FER1L5: variants seen among roughly 807,000 people sequenced by gnomAD.
FER1L5 encodes the protein fer-1-like protein 5.
FER1L5 carries 187 observed loss-of-function variants against 279.9 expected under a neutral mutation model. The observed-to-expected ratio is 0.67, with a 90% CI of 0.59 to 0.75. The LOEUF is 0.75. FER1L5 is among the 30% of genes least tolerant of loss of function. The probability of loss-of-function intolerance (pLI) is 0.00; values close to 1 mark genes in which losing one functional copy is unlikely to be tolerated. For synonymous variants in FER1L5, 921 were observed against 989.7 expected (o/e 0.93, Z 1.30); for missense variants, 2,091 against 2,594.4 (o/e 0.81, Z 4.21).
rs1024303303 is a variant in FER1L5, at chr2:96,698,325, G to A, written c.4356+169G>A. Among the ~76,000 whole-genome samples, 14 of 152,132 alleles carry A rather than the reference G, an allele frequency of 9.2e-5. No homozygotes were observed. The highest frequency in any genetic ancestry group is 1.4e-4 in the African/African-American group (6 of 41,428). On this transcript the variant is annotated intron_variant, in intron 40 of 52. Transcript: ENST00000624922. This position sits in a 1 kb window ranked among gnomAD's most constrained non-coding sequence, Gnocchi z 5.5. ...TCGCCTCCACAGGAACTCGGGGAGC[G>A]CTCCCCTTCCCCTCCCCACCCTGGC...
rs747371580 is a variant in FER1L5 at position 96,696,062 on chromosome 2, G to A, written c.4068G>A (p.Glu1356=). 1.2e-6 allele frequency: 2 copies of A among 1,613,770 alleles called. No individual in the cohort carries two copies. Among genetic ancestry groups the A allele is most frequent in the Admixed American group, 3.3e-5 (2 of 60,012 alleles). ...GCTCTCCCCGCACAGCGCTGTCTGA[G>A]AAGAAGCACCAAGACGTAAGTAAGG... is the stretch of plus-strand genomic sequence containing the variant. ...YMHPKLPTLS[E]KKHQDFLGYL... Residue 1356 remains glutamate (E), a synonymous_variant, in exon 37 of 53, where the codon GAG becomes GAA. Transcript: ENST00000624922.
intron 39 of FER1L5, 34 bp downstream of exon 39, chr2:96,697,795 A>G (rs1558926540): frequency 6.2e-7 from 1 of 1,607,224 alleles, no homozygotes; most frequent in Non-Finnish European, 8.5e-7. Context: ...ATGGAATCAA[A>G]TCTCCCACTG....
rs1377641522 is a variant in FER1L5 at position 96,701,174 on chromosome 2, G to C, written c.5070+703G>C. Among the ~76,000 whole-genome samples, 15 of 152,324 alleles carry C rather than the reference G, an allele frequency of 9.8e-5. No individual in the cohort carries two copies. In the East Asian group the frequency reaches 2.1e-3, roughly 22 times the overall value. Reference sequence around the variant, plus strand: ...AAAATACAAAAATTAGCTGGGCATGGTGGTGGGTGCCTGTAATCCCAGCTA... The same window carrying C: ...AAAATACAAAAATTAGCTGGGCATGCTGGTGGGTGCCTGTAATCCCAGCTA... On this transcript the variant is annotated intron_variant, in intron 45 of 52. Transcript: ENST00000624922.
chr2:96,663,903 C>T (rs918616523), intron 14 of FER1L5, among the ~76,000 whole-genome samples: 9 of 151,900 alleles, frequency 5.9e-5, no homozygotes, highest in Admixed American at 2.0e-4. Flanking sequence ...ATTAGTCGGG[C>T]GTGGTGACAT....
Position 96,689,525 on chromosome 2 carries a change from G to A in FER1L5, c.2526-119G>A. 3.5e-6 allele frequency: 5 copies of A among 1,439,248 alleles called. 1 individual carries two copies. The South Asian group carries it at 5.0e-5, about 14-fold the overall frequency. 89.2% of individuals were successfully genotyped at this position (1,439,248 alleles called of 1,614,324 possible). A position where few individuals can be genotyped will look rare whatever the true frequency, so the allele number is the denominator to read the frequency against. On this transcript the variant is annotated intron_variant, in intron 25 of 52. Transcript: ENST00000624922. The surrounding 1 kb of genome is among the most constrained non-coding windows in gnomAD (Gnocchi z 4.6). ...GGCCAAGGGCCCTGCCCACCACCCTGTCCTGCCCAGAGCAGGTGGGGATGG... is the reference window on the plus strand; with the variant it reads ...GGCCAAGGGCCCTGCCCACCACCCTATCCTGCCCAGAGCAGGTGGGGATGG...
In FER1L5 at chr2:96,659,426, T is replaced by G. The variant is rs1393911296; in HGVS notation, c.748-915T>G. Among the ~76,000 whole-genome samples, 7 of 13,388 alleles carry G rather than the reference T, an allele frequency of 5.2e-4. No homozygotes were observed. The East Asian group carries it at 9.5e-3, about 18-fold the overall frequency. The allele number at this position is 13,388 out of a possible 152,430, so 8.8% of individuals were successfully genotyped here. A position where few individuals can be genotyped will look rare whatever the true frequency, so the allele number is the denominator to read the frequency against. On this transcript the variant is annotated intron_variant, in intron 9 of 52. Coordinates refer to ENST00000624922, the MANE Select transcript of FER1L5 (RefSeq NM_001293083.2). The stretch of plus-strand genomic sequence containing the variant: ...CTTTCTTTCTTTCTTTCTTTCTTTC[T>G]TTCTTTCTTTCTTTCTTTCTTTCTT...
At chr2:96,687,692 C>G in intron 23 of FER1L5, 124 bp from the exon 24 acceptor site, 1 of 1,414,944 alleles carries the variant, frequency 7.1e-7, no homozygotes, top group Non-Finnish European at 9.5e-7. Context: ...CAGCACTCAG[C>G]TCAGTGAGGG....
In FER1L5 at chr2:96,694,356, C is replaced by A; in HGVS notation, c.3637-4C>A. ...AGGGCCTCATGCTCCCTGCCCTCCC[C>A]CAGAAGCTTGGAGAGAAGCAGCTGC... On this transcript the variant is annotated splice_polypyrimidine_tract_variant and splice_region_variant and intron_variant, in intron 33 of 52. Coordinates refer to ENST00000624922, the MANE Select transcript of FER1L5 (RefSeq NM_001293083.2). The surrounding 1 kb of genome is among the most constrained non-coding windows in gnomAD (Gnocchi z 4.6). 2 of 1,546,290 alleles carry A rather than the reference C, an allele frequency of 1.3e-6. No individual in the cohort carries two copies. Among genetic ancestry groups the A allele is most frequent in the South Asian group, 2.4e-5 (2 of 82,906 alleles).
At chr2:96,659,339 T>TTCCTTCCTTCCG (rs2075762381) in intron 9 of FER1L5, among the ~76,000 whole-genome samples, 1 of 86,122 alleles carries the variant, frequency 1.2e-5, no homozygotes, top group African/African-American at 4.6e-5. Flanking sequence ...CCTTCCTTCC[T>TTCCTTCCTTCCG]TCCTTCCTTC....
intron 14 of FER1L5, among the ~76,000 whole-genome samples, chr2:96,665,501 G>A (rs971304261): frequency 1.1e-4 from 17 of 152,184 alleles, no homozygotes; most frequent in Admixed American, 5.2e-4. Flanking sequence ...CACCTTTTCC[G>A]GCCTGTGATG....
chr2:96,659,358 C>CTTCCTTCCTTCCTTCCTTCCTTCT (rs2075779229), intron 9 of FER1L5, among the ~76,000 whole-genome samples: 3 of 60,580 alleles, frequency 5.0e-5, no homozygotes, highest in Admixed American at 2.9e-4. Flanking sequence ...TCCTTCCTTC[C>CTTCCTTCCTTCCTTCCTTCCTTCT]TTCCTTCTTT....
chr2:96,663,532 C>T, intron 14 of FER1L5, 25 bp downstream of exon 14: 1 of 1,549,670 alleles, frequency 6.5e-7, no homozygotes, highest in South Asian at 1.2e-5. Context: ...TCATGCCCAC[C>T]CTTCTCCCAC....
intron 30 of FER1L5, 58 bp downstream of exon 30, chr2:96,692,021 G>GC (rs2077168707): frequency 8.4e-6 from 11 of 1,305,718 alleles, no homozygotes; most frequent in Non-Finnish European, 1.1e-5. Context: ...CCCGAGGGCG[G>GC]GGGGGGGGGA....
Position 96,691,659 on chromosome 2 carries a change from C to T in FER1L5, c.3075+47C>T. On this transcript the variant is annotated intron_variant, in intron 29 of 52. Transcript: ENST00000624922. The surrounding 1 kb of genome is among the most constrained non-coding windows in gnomAD (Gnocchi z 6.0). ...GATGCCTGCCTGTAACCCCACCTCC[C>T]AGAGAAGCCAGGGCCTGGCCTGGCT... is the stretch of plus-strand genomic sequence containing the variant. The T allele has an allele frequency of 6.6e-7, 1 of 1,509,378 alleles. No homozygotes were observed. Among genetic ancestry groups the T allele is most frequent in the Non-Finnish European group, 8.9e-7 (1 of 1,126,198 alleles). 93.5% of individuals were successfully genotyped at this position (1,509,378 alleles called of 1,614,324 possible).
intron 18 of FER1L5, among the ~76,000 whole-genome samples, chr2:96,670,554 G>C (rs2076285583): frequency 6.6e-6 from 1 of 152,024 alleles, no homozygotes; most frequent in African/African-American, 2.4e-5. Context: ...GAGGAGGGAG[G>C]ATCACTTGAG....
intron 6 of FER1L5, among the ~76,000 whole-genome samples, chr2:96,650,675 G>A (rs954084390): frequency 1.3e-5 from 2 of 152,192 alleles, no homozygotes; most frequent in Non-Finnish European, 2.9e-5. Context: ...GATCTGAGGG[G>A]ACCTATGGAA....
chr2:96,678,682 C>G (rs191974363), intron 19 of FER1L5, among the ~76,000 whole-genome samples: 1 of 152,324 alleles, frequency 6.6e-6, no homozygotes, highest in East Asian at 1.9e-4. Flanking sequence ...ATCCACCCAC[C>G]TTGGCCTCCC....
At chr2:96,685,698 C>T (rs1443614852) in intron 21 of FER1L5, among the ~76,000 whole-genome samples, 3 of 152,196 alleles carry the variant, frequency 2.0e-5, no homozygotes, top group Non-Finnish European at 2.9e-5. Flanking sequence ...GACAAGCCCA[C>T]ATAGCCCCAC....
intron 10 of FER1L5, among the ~76,000 whole-genome samples, chr2:96,660,807 G>C (rs1355604097): frequency 2.0e-5 from 3 of 152,338 alleles, no homozygotes; most frequent in Non-Finnish European, 2.9e-5. Context: ...ACCCGCTTCA[G>C]CTTCCCAAAG....
Sources: allele counts gnomAD v4.1 joint callset (sites outside exome capture counted in the v4.1 genomes callset), GRCh38; gene constraint gnomAD v4.1.1; non-coding constraint Gnocchi (gnomAD v3.1); transcripts MANE v1.5; gene names NCBI Gene and HGNC (gene_info 2026-07-23, HGNC 2026-07-21).